The following GINS1 variants were observed in gnomAD, a reference collection of about 807,000 sequenced individuals.
The protein encoded by GINS1 is GINS complex subunit 1.
GINS1 carries 26 observed loss-of-function variants against 34.9 expected under a neutral mutation model. The ratio of observed to expected loss-of-function variants is 0.74; its 90% CI spans 0.55 to 1.03. The LOEUF (loss-of-function observed/expected upper bound fraction) is 1.03, where lower values mean the gene tolerates loss of function less well. GINS1 is among the 50% of genes least tolerant of loss of function. The pLI, the probability that GINS1 is intolerant of heterozygous loss-of-function variation, is 0.00. For missense variants in GINS1, 235 were observed against 237.9 expected (o/e 0.99, Z 0.08); for synonymous variants, 97 against 84.4 (o/e 1.15, Z -0.82).
intron 2 of GINS1, among the ~76,000 whole-genome samples, chr20:25,416,248 G>C (rs1351185156): frequency 2.6e-5 from 4 of 152,134 alleles, no homozygotes; most frequent in African/African-American, 9.7e-5. Flanking sequence ...ATAGGCCTTG[G>C]TTCAGTAAGG....
chr20:25,437,524 C>A (rs539271051), intron 5 of GINS1, among the ~76,000 whole-genome samples: 86 of 152,338 alleles, frequency 5.6e-4, no homozygotes, highest in African/African-American at 1.9e-3. Flanking sequence ...TCCAGAGTTC[C>A]AAAATACTGA....
rs2146181521 is a variant in GINS1 at position 25,409,172 on chromosome 20, C to T, written c.75+1277C>T. On this transcript the variant is annotated intron_variant, in intron 1 of 6. Transcript: ENST00000262460. ...GCCTGTGGGGAGTCTAGGAAGGTGG[C>T]TCACAGCCTACATGAATTTGTTGTT... Among the ~76,000 whole-genome samples the T allele has an allele frequency of 2.0e-5, 3 of 152,320 alleles. No homozygotes were observed. In the East Asian group the frequency reaches 5.8e-4, roughly 29 times the overall value.
rs201539344 is a variant in GINS1 at position 25,418,117 on chromosome 20, G to A, written c.252G>A (p.Leu84=). The A allele has an allele frequency of 7.2e-5, 114 of 1,593,760 alleles. No individual in the cohort carries two copies. In the African/African-American group the frequency reaches 1.3e-3, roughly 18 times the overall value. Reference sequence around the variant, plus strand: ...CTTGATGTCCTAGGTATGACCGCTTGCTTCGGATCAGAGCACTCAGATGGG... The same window carrying A: ...CTTGATGTCCTAGGTATGACCGCTTACTTCGGATCAGAGCACTCAGATGGG... The part of the protein sequence containing the change: ...RCTVAYLYDR[L]LRIRALRWEY... Residue 84 remains leucine (L), a synonymous_variant, in exon 4 of 7, where the codon TTG becomes TTA. Transcript: ENST00000262460.
chr20:25,442,032 A>C (rs761508160), intron 6 of GINS1, among the ~76,000 whole-genome samples: 15 of 152,174 alleles, frequency 9.9e-5, no homozygotes, highest in Admixed American at 1.3e-4. Flanking sequence ...GAATTACCAT[A>C]ATCAGCCTTA....
intron 3 of GINS1, among the ~76,000 whole-genome samples, chr20:25,417,868 C>T (rs181487560): frequency 2.0e-5 from 3 of 152,048 alleles, no homozygotes; most frequent in Admixed American, 2.0e-4. Flanking sequence ...CAAAAAAAGG[C>T]GGGGGAAAGA....
rs374157581 is a variant in GINS1 at position 25,446,042 on chromosome 20, A to G, written c.*51A>G. The G allele has an allele frequency of 2.0e-6, 2 of 979,300 alleles. No homozygotes were observed. Among genetic ancestry groups the G allele is most frequent in the Non-Finnish European group, 3.2e-6 (2 of 633,736 alleles). 60.7% of individuals were successfully genotyped at this position (979,300 alleles called of 1,614,324 possible). Reference sequence around the variant, plus strand: ...TCACTCAACTCATGGACTCCTCTGTACTCACTCTCTCCACCACTCCCTTCA... The same window carrying G: ...TCACTCAACTCATGGACTCCTCTGTGCTCACTCTCTCCACCACTCCCTTCA... On this transcript the variant is annotated 3_prime_UTR_variant, in exon 7 of 7. Coordinates refer to ENST00000262460, the MANE Select transcript of GINS1 (RefSeq NM_021067.5).
chr20:25,412,795 C>A (rs766782600), intron 1 of GINS1, among the ~76,000 whole-genome samples: 28 of 152,068 alleles, frequency 1.8e-4, no homozygotes, highest in Non-Finnish European at 3.4e-4. Context: ...AATATACATA[C>A]CTACTGTGTA....
intron 5 of GINS1, among the ~76,000 whole-genome samples, chr20:25,438,948 T>C (rs1013514540): frequency 5.3e-5 from 8 of 152,176 alleles, no homozygotes; most frequent in Non-Finnish European, 2.9e-5. Context: ...ATTTGAAAAG[T>C]GGCAAGTTAG....
chr20:25,414,320 T>C (rs960658668), intron 2 of GINS1, among the ~76,000 whole-genome samples: 2 of 152,126 alleles, frequency 1.3e-5, no homozygotes, highest in African/African-American at 4.8e-5. Flanking sequence ...CTGAAGAAAT[T>C]TGTGCTGATC....
chr20:25,434,522 A>G (rs981915424), intron 5 of GINS1, among the ~76,000 whole-genome samples: 2 of 151,844 alleles, frequency 1.3e-5, no homozygotes, highest in Admixed American at 1.3e-4. Context: ...ATCATAGTTC[A>G]CTACAGCCTT....
intron 5 of GINS1, among the ~76,000 whole-genome samples, chr20:25,430,122 A>G (rs2090418749): frequency 6.6e-6 from 1 of 152,244 alleles, no homozygotes; most frequent in Non-Finnish European, 1.5e-5. Context: ...CATAGAGGCC[A>G]GGCTGGTTTT....
intron 6 of GINS1, among the ~76,000 whole-genome samples, chr20:25,442,221 A>C (rs958980075): frequency 2.0e-5 from 3 of 152,226 alleles, no homozygotes; most frequent in African/African-American, 7.2e-5. Flanking sequence ...TCAAAAGAAG[A>C]ATTTTCAAGT....
intron 2 of GINS1, 74 bp downstream of exon 2, chr20:25,413,928 A>C: frequency 6.3e-5 from 54 of 861,092 alleles, no homozygotes; most frequent in Non-Finnish European, 9.7e-5. Context: ...GCGGTGGCTC[A>C]CGCCTGTAAT....
At chr20:25,425,967 T>C (rs979338614) in intron 5 of GINS1, among the ~76,000 whole-genome samples, 1 of 152,178 alleles carries the variant, frequency 6.6e-6, no homozygotes, top group African/African-American at 2.4e-5. Flanking sequence ...CCATTCCATA[T>C]CCAGATTTTT....
intron 1 of GINS1, among the ~76,000 whole-genome samples, chr20:25,410,891 C>T (rs1266424697): frequency 6.6e-6 from 1 of 152,090 alleles, no homozygotes; most frequent in African/African-American, 2.4e-5. Flanking sequence ...TCTGGAATCA[C>T]TCATGGTTAA....
At chr20:25,420,145 T>G (rs983639975) in intron 4 of GINS1, among the ~76,000 whole-genome samples, 2 of 150,910 alleles carry the variant, frequency 1.3e-5, no homozygotes, top group Non-Finnish European at 3.0e-5. Flanking sequence ...TATATATATA[T>G]TTTTTTGAGA....
chr20:25,444,645 A>G (rs2090501206), intron 6 of GINS1, among the ~76,000 whole-genome samples: 1 of 152,156 alleles, frequency 6.6e-6, no homozygotes, highest in Non-Finnish European at 1.5e-5. Flanking sequence ...ATGAATTGAA[A>G]AGCCTTCCTG....
chr20:25,445,962 C>G lies in GINS1; in HGVS notation c.562C>G (p.Gln188Glu). ...ATGGAAATGTGAGCAGCTGATCAGA[C>G]AAGGAGTCCTGGAGCACATCCTGTC... is the stretch of plus-strand genomic sequence containing the variant. ...PRWKCEQLIR[Q>E]GVLEHILS Residue 188 changes from glutamine (Q) to glutamate (E), a missense_variant, in exon 7 of 7, where the codon CAA becomes GAA. Coordinates refer to ENST00000262460, the MANE Select transcript of GINS1 (RefSeq NM_021067.5). 1 of 1,611,744 alleles carries G rather than the reference C, an allele frequency of 6.2e-7. No individual in the cohort carries two copies. The highest frequency in any genetic ancestry group is 8.5e-7 in the Non-Finnish European group (1 of 1,177,964).
chr20:25,443,476 C>CT (rs11482627), intron 6 of GINS1, among the ~76,000 whole-genome samples: 54,536 of 124,716 alleles, frequency 0.44, 12,426 homozygotes, highest in East Asian at 0.85. Context: ...GGTTGAATTT[C>CT]TTTTTTTTTT....
Sources: allele counts gnomAD v4.1 joint callset (sites outside exome capture counted in the v4.1 genomes callset), GRCh38; gene constraint gnomAD v4.1.1; transcripts MANE v1.5; gene names NCBI Gene and HGNC (gene_info 2026-07-23, HGNC 2026-07-21).